TXLNB: variants seen among roughly 807,000 people sequenced by gnomAD.
TXLNB encodes taxilin beta, also known as beta-taxilin.
A neutral mutation model predicts 57.4 loss-of-function variants in TXLNB; 37 were observed. The ratio of observed to expected loss-of-function variants is 0.64; its 90% CI spans 0.50 to 0.85. TXLNB has a LOEUF of 0.85. Among genes scored for constraint, TXLNB ranks in the 40% least tolerant of loss-of-function variants. The pLI, the probability that TXLNB is intolerant of heterozygous loss-of-function variation, is 0.00. For missense variants in TXLNB, 848 were observed against 825.6 expected, an observed-to-expected ratio of 1.03 and a Z score of -0.33; for synonymous variants, 302 against 309.6, an observed-to-expected ratio of 0.98 and a Z score of 0.26.
At position 139,240,400 on chromosome 6, in the gene TXLNB, G is replaced by A. The variant is rs1775905556; in HGVS notation, c.*2126C>T. On this transcript the variant is annotated 3_prime_UTR_variant, in exon 10 of 10. Coordinates refer to ENST00000358430, the MANE Select transcript of TXLNB (RefSeq NM_153235.4). ...CTGTGAGTAATGTGTTTCTGTGAAA[G>A]TCTTTTGGATGAAAATAATGAACTT... is the stretch of plus-strand genomic sequence containing the variant. The A allele has an allele frequency of 6.6e-6, 1 of 152,656 alleles. No homozygotes were observed. The highest frequency in any genetic ancestry group is 1.5e-5 in the Non-Finnish European group (1 of 68,032). The allele number at this position is 152,656 out of a possible 1,614,324, so 9.5% of individuals were successfully genotyped here. A position where few individuals can be genotyped will look rare whatever the true frequency, so the allele number is the denominator to read the frequency against.
the TXLNB span, among the ~76,000 whole-genome samples, chr6:139,222,434 CA>C: frequency 6.6e-6 from 1 of 152,154 alleles, no homozygotes; most frequent in African/African-American, 2.4e-5. Context: ...GCCAATCCAA[CA>C]TAAAGATATC....
chr6:139,253,796 A>G (rs187620585), intron 7 of TXLNB, among the ~76,000 whole-genome samples: 172 of 152,338 alleles, frequency 1.1e-3, no homozygotes, highest in Non-Finnish European at 1.6e-3. Flanking sequence ...ACTCTGCTCA[A>G]GTTGATTGTC....
At chr6:139,218,526 G>T in the TXLNB span, among the ~76,000 whole-genome samples, 1 of 152,154 alleles carries the variant, frequency 6.6e-6, no homozygotes, top group Admixed American at 6.5e-5. Context: ...GCCAAGGTGG[G>T]TGGATCATCT....
chr6:139,197,907 G>A, the TXLNB span: 1 of 152,190 alleles, frequency 6.6e-6, no homozygotes, highest in Non-Finnish European at 1.5e-5. Context: ...GTAAAAGTGG[G>A]CTGAACTCTC....
the TXLNB span, among the ~76,000 whole-genome samples, chr6:139,301,310 A>G: frequency 6.6e-6 from 1 of 152,150 alleles, no homozygotes; most frequent in South Asian, 2.1e-4. Flanking sequence ...TTTCTTGGGT[A>G]TCTGTATAGT....
intron 6 of TXLNB, among the ~76,000 whole-genome samples, chr6:139,256,068 T>G (rs1449300648): frequency 1.3e-5 from 2 of 151,962 alleles, no homozygotes; most frequent in African/African-American, 4.8e-5. Flanking sequence ...GGCAATAGAG[T>G]GAGACTCCAT....
chr6:139,264,635 C>T (rs1776568659), intron 4 of TXLNB, among the ~76,000 whole-genome samples: 1 of 152,178 alleles, frequency 6.6e-6, no homozygotes, highest in African/African-American at 2.4e-5. Flanking sequence ...TCTCGGCTCA[C>T]TGCAACCTCC....
At chr6:139,295,543 T>C (rs1257611192), upstream of TXLNB, among the ~76,000 whole-genome samples, 1 of 151,608 alleles carries the variant, frequency 6.6e-6, no homozygotes, top group African/African-American at 2.4e-5. Context: ...TGATGCTTTC[T>C]AGAGGTAATA....
the TXLNB span, chr6:139,177,102 T>C: frequency 1.2e-6 from 1 of 848,990 alleles, no homozygotes; most frequent in Non-Finnish European, 2.1e-6. The surrounding 1 kb of genome is among the most constrained non-coding windows in gnomAD (Gnocchi z 4.9). Flanking sequence ...TCGAAGCTTA[T>C]TGATGAAAGC....
the TXLNB span, among the ~76,000 whole-genome samples, chr6:139,228,558 G>A: frequency 6.7e-6 from 1 of 149,508 alleles, no homozygotes; most frequent in Admixed American, 6.6e-5. Context: ...GGAAGTTAAT[G>A]GATCTAAAAA....
At chr6:139,271,870 T>C (rs1776772424) in intron 3 of TXLNB, 3 of 152,250 alleles carry the variant, frequency 2.0e-5, no homozygotes, top group Admixed American at 2.0e-4. Flanking sequence ...TAAGTACTAG[T>C]CCTAATAACG....
At chr6:139,302,708 G>A in the TXLNB span, among the ~76,000 whole-genome samples, 8 of 151,988 alleles carry the variant, frequency 5.3e-5, no homozygotes, top group East Asian at 3.9e-4. Flanking sequence ...ACTTGAACCC[G>A]GGAAGGAGGA....
the TXLNB span, among the ~76,000 whole-genome samples, chr6:139,221,682 A>T: frequency 4.6e-5 from 7 of 152,316 alleles, no homozygotes; most frequent in Middle Eastern, 3.4e-3. Flanking sequence ...GAAAACTGGA[A>T]ACTATAAAAA....
At chr6:139,190,545 G>A in the TXLNB span, among the ~76,000 whole-genome samples, 1 of 152,052 alleles carries the variant, frequency 6.6e-6, no homozygotes, top group Non-Finnish European at 1.5e-5. Flanking sequence ...TCCTGACCTT[G>A]TGATCTGCTC....
chr6:139,186,852 A>G, the TXLNB span, among the ~76,000 whole-genome samples: 1 of 152,260 alleles, frequency 6.6e-6, no homozygotes, highest in Admixed American at 6.5e-5. Context: ...GAAAGAAGCC[A>G]GAGAAAAAGA....
At chr6:139,261,128 T>C (rs1776470196) in intron 5 of TXLNB, among the ~76,000 whole-genome samples, 1 of 152,176 alleles carries the variant, frequency 6.6e-6, no homozygotes, top group South Asian at 2.1e-4. Flanking sequence ...AAATTCCTGG[T>C]CACTGGGAGG....
the TXLNB span, among the ~76,000 whole-genome samples, chr6:139,195,118 G>A: frequency 6.6e-6 from 1 of 152,130 alleles, no homozygotes; most frequent in Non-Finnish European, 1.5e-5. Flanking sequence ...TCCAATGCCT[G>A]GAGGCCATCT....
chr6:139,234,853 T>C, the TXLNB span, among the ~76,000 whole-genome samples: 1 of 152,066 alleles, frequency 6.6e-6, no homozygotes, highest in Non-Finnish European at 1.5e-5. Flanking sequence ...ACCATGTGCG[T>C]GGAAAAGCCA....
the TXLNB span, among the ~76,000 whole-genome samples, chr6:139,211,236 G>A: frequency 1.6e-4 from 24 of 152,318 alleles, 1 homozygote; most frequent in African/African-American, 5.5e-4. Flanking sequence ...CCCCGAGTAG[G>A]GGCGGACTGA....
Sources: gnomAD v4.1 joint callset for allele counts (sites outside exome capture counted in the v4.1 genomes callset) on GRCh38, gnomAD v4.1.1 for gene constraint, Gnocchi (gnomAD v3.1) non-coding constraint, MANE v1.5 for transcripts, NCBI Gene and HGNC (gene_info 2026-07-23, HGNC 2026-07-21) for gene names.